TTF2: variants seen among roughly 807,000 people sequenced by gnomAD.
TTF2 encodes RNA polymerase II termination factor.
A neutral mutation model predicts 142.4 loss-of-function variants in TTF2; 108 were observed. That is an observed-to-expected ratio of 0.76 (90% CI 0.65 to 0.89). The LOEUF (loss-of-function observed/expected upper bound fraction) is 0.89, where lower values mean the gene tolerates loss of function less well. TTF2 is among the 40% of genes least tolerant of loss of function. TTF2 has a pLI of 0.00. For missense variants in TTF2, 1,327 were observed against 1,379.8 expected (o/e 0.96, Z 0.61); for synonymous variants, 483 against 506.2 (o/e 0.95, Z 0.61).
chr1:117,079,391 A>G lies in TTF2; in HGVS notation c.1702-177A>G, dbSNP rs1190619052. On this transcript the variant is annotated intron_variant, in intron 8 of 22. Transcript: ENST00000369466. The surrounding 1 kb of genome is among the most constrained non-coding windows in gnomAD (Gnocchi z 4.2). ...AAAACAAACAGGGGCAGACCAGGAC[A>G]GTATGGTTACCCTTGAGAGAGGGTG... 6.6e-6 allele frequency among the ~76,000 whole-genome samples: 1 copy of G among 152,228 alleles called. No individual in the cohort carries two copies. Among genetic ancestry groups the G allele is most frequent in the East Asian group, 1.9e-4 (1 of 5,198 alleles).
At chr1:117,066,549 C>T (rs1358302301) in intron 3 of TTF2, among the ~76,000 whole-genome samples, 1 of 152,060 alleles carries the variant, frequency 6.6e-6, no homozygotes, top group Non-Finnish European at 1.5e-5. Flanking sequence ...TGGTGTTTGG[C>T]ACATTGTCAG....
intron 3 of TTF2, among the ~76,000 whole-genome samples, chr1:117,066,534 C>G (rs1043134021): frequency 6.6e-6 from 1 of 152,026 alleles, no homozygotes; most frequent in Non-Finnish European, 1.5e-5. Context: ...GTGATGGCCT[C>G]GGTCTGGTGT....
Position 117,081,880 on chromosome 1 carries a change from C to G in TTF2, c.1836C>G (p.Thr612=). The part of the protein sequence containing the change: ...KTLTMIALIL[T]QKNQEKKEEK... The stretch of plus-strand genomic sequence containing the variant: ...TGACAATGATTGCGCTCATCCTGAC[C>G]CAGAAGAATCAAGAGAAAAAGGAAG... Residue 612 remains threonine, a synonymous_variant, in exon 10 of 23, where the codon ACC becomes ACG. Coordinates refer to ENST00000369466, the MANE Select transcript of TTF2 (RefSeq NM_003594.4). 1.2e-6 allele frequency: 2 copies of G among 1,614,028 alleles called. No homozygotes were observed. The highest frequency in any genetic ancestry group is 1.7e-6 in the Non-Finnish European group (2 of 1,180,014).
chr1:117,062,977 A>C (rs927312656), intron 3 of TTF2, among the ~76,000 whole-genome samples: 1 of 152,190 alleles, frequency 6.6e-6, no homozygotes, highest in Non-Finnish European at 1.5e-5. Flanking sequence ...TTAATGGACT[A>C]ATATATTGCA....
chr1:117,091,747 G>A (rs1648594032), intron 16 of TTF2, 70 bp from the exon 17 acceptor site: 1 of 1,556,700 alleles, frequency 6.4e-7, no homozygotes, highest in Admixed American at 1.8e-5. Context: ...GCCCCATGTA[G>A]TTCCTGGCTC....
At chr1:117,060,581 TC>T (rs1402402242) in intron 2 of TTF2, 24 bp downstream of exon 2, 3 of 1,570,834 alleles carry the variant, frequency 1.9e-6, no homozygotes, top group Non-Finnish European at 2.6e-6. Context: ...TGGGCCCCAC[TC>T]CCTGTGGCTG....
rs1647271603 is a variant in TTF2 at position 117,079,249 on chromosome 1, A to G, written c.1702-319A>G. Reference sequence around the variant, plus strand: ...AGCGAGGCTGTCTCAAAAAAATAAAAATAAAAAAATAAAAGCTGTAGAGAC... The same window carrying G: ...AGCGAGGCTGTCTCAAAAAAATAAAGATAAAAAAATAAAAGCTGTAGAGAC... On this transcript the variant is annotated intron_variant, in intron 8 of 22. Transcript: ENST00000369466. This position sits in a 1 kb window ranked among gnomAD's most constrained non-coding sequence, Gnocchi z 4.2. Among the ~76,000 whole-genome samples the G allele has an allele frequency of 6.6e-6, 1 of 152,174 alleles. No individual in the cohort carries two copies.
intron 3 of TTF2, among the ~76,000 whole-genome samples, chr1:117,068,204 G>A: frequency 6.6e-6 from 1 of 152,142 alleles, no homozygotes; most frequent in East Asian, 1.9e-4. Flanking sequence ...AAAATAAATG[G>A]AAATATTTCT....
At chr1:117,078,352 A>G (rs927899594) in intron 8 of TTF2, among the ~76,000 whole-genome samples, 1 of 152,216 alleles carries the variant, frequency 6.6e-6, no homozygotes, top group Non-Finnish European at 1.5e-5. Flanking sequence ...TACATATACA[A>G]TGTAAATAAA....
Position 117,092,053 on chromosome 1 carries a change from G to C in TTF2, c.2805+103G>C. The C allele has an allele frequency of 2.4e-6, 3 of 1,265,214 alleles. No individual in the cohort carries two copies. The highest frequency in any genetic ancestry group is 3.2e-6 in the Non-Finnish European group (3 of 946,152). The allele number at this position is 1,265,214 out of a possible 1,614,324, so 78.4% of individuals were successfully genotyped here. The stretch of plus-strand genomic sequence containing the variant: ...CTGGAATCCAGTCTGCTTGATCAAA[G>C]GAAATGCTGTTTCGGTTTTTCTATT... On this transcript the variant is annotated intron_variant, in intron 17 of 22. Transcript: ENST00000369466. The surrounding 1 kb of genome is among the most constrained non-coding windows in gnomAD (Gnocchi z 4.4).
chr1:117,090,260 G>A lies in TTF2; in HGVS notation c.2496+52G>A. On this transcript the variant is annotated intron_variant, in intron 14 of 22. Transcript: ENST00000369466. This position sits in a 1 kb window ranked among gnomAD's most constrained non-coding sequence, Gnocchi z 4.8. ...GGGAGGCCAGGGAAGGAACATGACT[G>A]TGTCCTTGTCTTGGGTTGAACAGCC... The A allele has an allele frequency of 6.3e-7, 1 of 1,588,368 alleles. No homozygotes were observed.
intron 3 of TTF2, among the ~76,000 whole-genome samples, chr1:117,065,115 G>A (rs1655985743): frequency 6.6e-6 from 1 of 152,146 alleles, no homozygotes; most frequent in African/African-American, 2.4e-5. Flanking sequence ...ATAAAATAGT[G>A]TGAGTCTTCT....
At chr1:117,077,734 AC>A (rs1048359802) in intron 7 of TTF2, among the ~76,000 whole-genome samples, 181 bp from the exon 8 acceptor site, 1 of 152,170 alleles carries the variant, frequency 6.6e-6, no homozygotes, top group Non-Finnish European at 1.5e-5. Flanking sequence ...GCTGGCAGTG[AC>A]CAGAAAAGCA....
Position 117,075,823 on chromosome 1 carries a change from G to GC in TTF2, c.1240dup (p.Arg414ProfsTer53). 6.2e-7 allele frequency: 1 copy of GC among 1,613,018 alleles called. No homozygotes were observed. Among genetic ancestry groups the GC allele is most frequent in the South Asian group, 1.1e-5 (1 of 90,930 alleles). On this transcript the variant is annotated frameshift_variant, in exon 5 of 23. Coordinates refer to ENST00000369466, the MANE Select transcript of TTF2 (RefSeq NM_003594.4). LOFTEE classifies it high-confidence loss of function. The surrounding 1 kb of genome is among the most constrained non-coding windows in gnomAD (Gnocchi z 4.5). Reference sequence around the variant, plus strand: ...TAGAACCCTCAGACCCAGTAGCCCGGCGTGTCTACCTTACAACACAACTGA... The same window carrying GC: ...TAGAACCCTCAGACCCAGTAGCCCGGCCGTGTCTACCTTACAACACAACTGA...
intron 3 of TTF2, among the ~76,000 whole-genome samples, chr1:117,067,375 C>A (rs553730019): frequency 1.3e-5 from 2 of 151,786 alleles, no homozygotes; most frequent in Non-Finnish European, 2.9e-5. Flanking sequence ...ACTAAAAATA[C>A]AAAAAATAGC....
Position 117,100,161 on chromosome 1 carries a change from C to A in TTF2, c.3345-1219C>A, listed in dbSNP as rs1419263261. ...ACATGTTTCAGGTACTCAAATGTTA[C>A]AAATAGAAATTGATTTTCTCTTCCT... On this transcript the variant is annotated intron_variant, in intron 22 of 22. Transcript: ENST00000369466. The surrounding 1 kb of genome is among the most constrained non-coding windows in gnomAD (Gnocchi z 4.6). Among the ~76,000 whole-genome samples the A allele has an allele frequency of 1.3e-5, 2 of 152,228 alleles. No individual in the cohort carries two copies. The highest frequency in any genetic ancestry group is 1.9e-4 in the East Asian group (1 of 5,204).
chr1:117,060,526 G>C lies in TTF2; in HGVS notation c.100G>C (p.Ala34Pro). 5 of 1,613,636 alleles carry C rather than the reference G, an allele frequency of 3.1e-6. No homozygotes were observed. The highest frequency in any genetic ancestry group is 4.2e-6 in the Non-Finnish European group (5 of 1,179,704). ...AGGAAAGAGCTTCTACGTGTGCCGGGCAGACACGTGCAGCTTCGTGCGGGC... is the reference window on the plus strand; with the variant it reads ...AGGAAAGAGCTTCTACGTGTGCCGGCCAGACACGTGCAGCTTCGTGCGGGC... ...NKGKSFYVCR[A>P]DTCSFVRATD... is the part of the protein sequence containing the mutation. Residue 34 changes from alanine to proline, a missense_variant, in exon 2 of 23, where the codon GCA (alanine) becomes CCA (proline). Ala to Pro is a conservative substitution (Grantham distance 27). Transcript: ENST00000369466.
In TTF2 at chr1:117,095,314, A is replaced by T; in HGVS notation, c.2982A>T (p.Ser994=). 1 of 1,614,184 alleles carries T rather than the reference A, an allele frequency of 6.2e-7. No individual in the cohort carries two copies. Among genetic ancestry groups the T allele is most frequent in the Non-Finnish European group, 8.5e-7 (1 of 1,180,012 alleles). ...FEGMRESTKI[S]SLLAELEAIQ... is the part of the protein sequence containing the mutation. ...TTGATGTAACCTTTTCCCAGATTTC[A>T]TCTCTGTTGGCAGAATTGGAGGCAA... Residue 994 remains serine, a synonymous_variant, in exon 19 of 23, where the codon TCA becomes TCT. Coordinates refer to ENST00000369466, the MANE Select transcript of TTF2 (RefSeq NM_003594.4).
chr1:117,085,052 G>T lies in TTF2; in HGVS notation c.2054+884G>T, dbSNP rs113827303. On this transcript the variant is annotated intron_variant, in intron 11 of 22. Coordinates refer to ENST00000369466, the MANE Select transcript of TTF2 (RefSeq NM_003594.4). This position sits in a 1 kb window ranked among gnomAD's most constrained non-coding sequence, Gnocchi z 4.7. ...TCCCTGGCATAGATTACTGTGAGTT[G>T]TCTGCCTTTGTGCTAAATTTTTATT... 2.0e-5 allele frequency among the ~76,000 whole-genome samples: 3 copies of T among 152,218 alleles called. No individual in the cohort carries two copies. The highest frequency in any genetic ancestry group is 2.9e-5 in the Non-Finnish European group (2 of 67,986).
Sources: allele counts gnomAD v4.1 joint callset (sites outside exome capture counted in the v4.1 genomes callset), GRCh38; gene constraint gnomAD v4.1.1; non-coding constraint Gnocchi (gnomAD v3.1); transcripts MANE v1.5; gene names NCBI Gene and HGNC (gene_info 2026-07-23, HGNC 2026-07-21).